The following ZNF608 variants were observed in gnomAD, a reference collection of about 807,000 sequenced individuals.
ZNF608 encodes zinc finger protein 608.
ZNF608 carries 12 observed loss-of-function variants against 109.0 expected under a neutral mutation model. The ratio of observed to expected loss-of-function variants is 0.11; its 90% CI spans 0.07 to 0.18. ZNF608 has a LOEUF of 0.18. ZNF608 is among the 10% of genes least tolerant of loss of function. The probability of loss-of-function intolerance (pLI) is 1.00; values close to 1 mark genes in which losing one functional copy is unlikely to be tolerated. For missense variants in ZNF608, 1,707 were observed against 1,879.3 expected, an observed-to-expected ratio of 0.91 and a Z score of 1.70; for synonymous variants, 732 against 717.4, an observed-to-expected ratio of 1.02 and a Z score of -0.33.
intron 3 of ZNF608, among the ~76,000 whole-genome samples, chr5:124,653,765 G>A (rs1195240499): frequency 6.6e-6 from 1 of 152,138 alleles, no homozygotes; most frequent in Non-Finnish European, 1.5e-5. Flanking sequence ...TGAGAAATAT[G>A]GAAGTTCCAA....
chr5:124,671,716 G>A (rs981890891), intron 3 of ZNF608, among the ~76,000 whole-genome samples: 1 of 148,538 alleles, frequency 6.7e-6, no homozygotes, highest in African/African-American at 2.5e-5. Flanking sequence ...ACTCACTGCA[G>A]CCTCAACCTC....
At chr5:124,741,887 A>G (rs1486638502) in intron 2 of ZNF608, among the ~76,000 whole-genome samples, 2 of 152,220 alleles carry the variant, frequency 1.3e-5, no homozygotes, top group Non-Finnish European at 2.9e-5. Flanking sequence ...CCAACTTGAC[A>G]GAGAATGGCC....
intron 3 of ZNF608, among the ~76,000 whole-genome samples, chr5:124,657,388 G>A (rs888969628): frequency 3.3e-5 from 5 of 152,136 alleles, no homozygotes; most frequent in African/African-American, 1.2e-4. Flanking sequence ...GAGACCAGGT[G>A]CAGTGGCTCA....
At chr5:124,666,988 C>G (rs1339685613) in intron 3 of ZNF608, among the ~76,000 whole-genome samples, 1 of 152,044 alleles carries the variant, frequency 6.6e-6, no homozygotes, top group Admixed American at 6.5e-5. Flanking sequence ...TGCGTGGAAT[C>G]AATATATGAG....
At position 124,713,291 on chromosome 5, in the gene ZNF608, A is replaced by T. The variant is rs188309685; in HGVS notation, c.907-12022T>A. Reference sequence around the variant, plus strand: ...ATGAGAAGGAATATCCAGGGCAAGTAACCCTGCTTAGGGATTTCTCAGTCC... The same window carrying T: ...ATGAGAAGGAATATCCAGGGCAAGTTACCCTGCTTAGGGATTTCTCAGTCC... On this transcript the variant is annotated intron_variant, in intron 2 of 9. Transcript: ENST00000513986. Among the ~76,000 whole-genome samples the T allele has an allele frequency of 1.0e-3, 152 of 152,374 alleles. 2 individuals are homozygous for T. The East Asian group carries it at 0.02, about 20-fold the overall frequency.
intron 2 of ZNF608, among the ~76,000 whole-genome samples, chr5:124,709,170 CAAAA>C (rs1156276798): frequency 2.4e-4 from 8 of 32,714 alleles, no homozygotes; most frequent in Middle Eastern, 0.036. Context: ...GACTCTGTCT[CAAAA>C]AAAAAAAAAA....
In ZNF608 at chr5:124,644,655, C is replaced by G; in HGVS notation, c.3712G>C (p.Asp1238His). The G allele has an allele frequency of 1.3e-6, 2 of 1,534,498 alleles. No individual in the cohort carries two copies. The highest frequency in any genetic ancestry group is 1.8e-6 in the Non-Finnish European group (2 of 1,142,000). Reference sequence around the variant, plus strand: ...ACATAATGATGCCATGTTCTTGAATCTGGGTCCTGATTTTTTTGTTTTAAA... The same window carrying G: ...ACATAATGATGCCATGTTCTTGAATGTGGGTCCTGATTTTTTTGTTTTAAA... Reference protein sequence around the residue: ...DPTSRFKQDPDSRTWHHYVYQ... With the variant: ...DPTSRFKQDPHSRTWHHYVYQ... The change falls in exon 6 of 10, where the codon GAT (aspartate) becomes CAT (histidine). Residue 1238 changes from aspartate to histidine, a missense_variant. Physicochemically the swap from Asp to His is moderately conservative, Grantham distance 81 (BLOSUM62 -1). Coordinates refer to ENST00000513986, the MANE Select transcript of ZNF608 (RefSeq NM_020747.3).
upstream of ZNF608, among the ~76,000 whole-genome samples, chr5:124,747,997 A>AT (rs1236896172): frequency 9.2e-5 from 14 of 151,718 alleles, no homozygotes; most frequent in African/African-American, 3.4e-4. Context: ...TGGGGCTTTT[A>AT]TTTTTTCTCT....
chr5:124,686,260 C>T (rs1399139037), intron 3 of ZNF608, among the ~76,000 whole-genome samples: 1 of 152,206 alleles, frequency 6.6e-6, no homozygotes, highest in Non-Finnish European at 1.5e-5. Context: ...TTCTCTGTCC[C>T]TGTGAATGGG....
At chr5:124,658,112 G>A (rs972168976) in intron 3 of ZNF608, among the ~76,000 whole-genome samples, 1 of 152,132 alleles carries the variant, frequency 6.6e-6, no homozygotes, top group African/African-American at 2.4e-5. Context: ...GGGACAGGCA[G>A]GCAGAACAGG....
intron 2 of ZNF608, among the ~76,000 whole-genome samples, chr5:124,710,928 C>T (rs56368886): frequency 0.17 from 26,130 of 152,098 alleles, 2,554 homozygotes; most frequent in Admixed American, 0.27. Flanking sequence ...TTTAAAGAAA[C>T]ATTCATTTTT....
chr5:124,720,808 T>C (rs1438637039), intron 2 of ZNF608, among the ~76,000 whole-genome samples: 1 of 152,022 alleles, frequency 6.6e-6, no homozygotes, highest in Non-Finnish European at 1.5e-5. Flanking sequence ...TGGGCTGGCT[T>C]TTTTTTCCTT....
chr5:124,715,711 T>A (rs1242499164), intron 2 of ZNF608, among the ~76,000 whole-genome samples: 1 of 152,218 alleles, frequency 6.6e-6, no homozygotes, highest in African/African-American at 2.4e-5. Flanking sequence ...TTAAGTGGTG[T>A]AAAAAATCTT....
intron 2 of ZNF608, among the ~76,000 whole-genome samples, chr5:124,738,211 C>A (rs6873622): frequency 0.043 from 6,618 of 152,168 alleles, 442 homozygotes; most frequent in African/African-American, 0.14. Context: ...GTTCTCCATC[C>A]CTTTAATCTT....
intron 2 of ZNF608, among the ~76,000 whole-genome samples, chr5:124,704,582 C>A (rs1047759560): frequency 6.6e-6 from 1 of 152,032 alleles, no homozygotes; most frequent in African/African-American, 2.4e-5. Flanking sequence ...TTAAAACATT[C>A]CAGTTTTTTT....
At chr5:124,746,813 G>A (rs1371915698), upstream of ZNF608, 1 of 982,360 alleles carries the variant, frequency 1.0e-6, no homozygotes, top group Non-Finnish European at 1.2e-6. Flanking sequence ...GGGGGGAGTA[G>A]AGGGAGGAGG....
chr5:124,728,267 A>G (rs1328395954), intron 2 of ZNF608, among the ~76,000 whole-genome samples: 4 of 152,162 alleles, frequency 2.6e-5, no homozygotes, highest in African/African-American at 9.7e-5. Context: ...GGGTCATTCA[A>G]TAGGTTGGTA....
At position 124,746,636 on chromosome 5, in the gene ZNF608, T is replaced by C. The variant is rs940068586; in HGVS notation, c.-625A>G. 1 of 985,316 alleles carries C rather than the reference T, an allele frequency of 1.0e-6. No homozygotes were observed. The allele number at this position is 985,316 out of a possible 1,614,324, so 61.0% of individuals were successfully genotyped here. On this transcript the variant is annotated 5_prime_UTR_variant, in exon 1 of 10. Transcript: ENST00000513986. Reference sequence around the variant, plus strand: ...TAGCAAACCTACAGGCGTCCGCTAGTAACGAGACAGAATGTGCTAACATCG... The same window carrying C: ...TAGCAAACCTACAGGCGTCCGCTAGCAACGAGACAGAATGTGCTAACATCG...
At chr5:124,678,861 A>C (rs900266096) in intron 3 of ZNF608, among the ~76,000 whole-genome samples, 1 of 152,188 alleles carries the variant, frequency 6.6e-6, no homozygotes, top group Admixed American at 6.5e-5. Flanking sequence ...AGAGTACACC[A>C]TTAAGTCAGA....
Sources: allele counts gnomAD v4.1 joint callset (sites outside exome capture counted in the v4.1 genomes callset), GRCh38; gene constraint gnomAD v4.1.1; transcripts MANE v1.5; gene names NCBI Gene and HGNC (gene_info 2026-07-23, HGNC 2026-07-21).